The following CABLES2 variants were observed in gnomAD, a reference collection of about 807,000 sequenced individuals.
The protein encoded by CABLES2 is CDK5 and ABL1 enzyme substrate 2.
In CABLES2, 35 loss-of-function variants were observed where a neutral mutation model predicts 44.8. That is an observed-to-expected ratio of 0.78 (90% CI 0.60 to 1.04). The LOEUF is 1.04. Ranked by LOEUF, CABLES2 falls within the 50% of genes least tolerant of loss-of-function variation. The probability of loss-of-function intolerance (pLI) is 0.00; values close to 1 mark genes in which losing one functional copy is unlikely to be tolerated. For missense variants in CABLES2, 566 were observed against 615.7 expected, an observed-to-expected ratio of 0.92 and a Z score of 0.85; for synonymous variants, 282 against 281.1, an observed-to-expected ratio of 1.00 and a Z score of -0.03.
In CABLES2 at chr20:62,393,472, G is replaced by A. The variant is rs769583416; in HGVS notation, c.848C>T (p.Pro283Leu). The change falls in exon 6 of 10, where the codon CCC becomes CTC. Residue 283 changes from proline to leucine, a missense_variant. Physicochemically the swap from Pro to Leu is moderately conservative, Grantham distance 98. Coordinates refer to ENST00000279101, the MANE Select transcript of CABLES2 (RefSeq NM_031215.3). ...TLPGSRHKPA[P>L]TKSAPASTEL... is the part of the protein sequence containing the mutation. ...TGTGCTGGCTGGTGCCGACTTGGTG[G>A]GGGCAGGTTTATGTCTTGACCCTGG... is the stretch of plus-strand genomic sequence containing the variant. 177 of 1,611,790 alleles carry A rather than the reference G, an allele frequency of 1.1e-4. No homozygotes were observed. Among genetic ancestry groups the A allele is most frequent in the Non-Finnish European group, 1.4e-4 (162 of 1,178,728 alleles).
In CABLES2 at chr20:62,396,710, C is replaced by T. The variant is rs906107811; in HGVS notation, c.363-118G>A. 2.3e-5 allele frequency: 24 copies of T among 1,063,600 alleles called. No individual in the cohort carries two copies. The highest frequency in any genetic ancestry group is 3.2e-5 in the Non-Finnish European group (23 of 720,534). The allele number at this position is 1,063,600 out of a possible 1,614,324, so 65.9% of individuals were successfully genotyped here. A position where few individuals can be genotyped will look rare whatever the true frequency, so the allele number is the denominator to read the frequency against. ...GGCCACTCTCCAGCCCAGCGGCGCA[C>T]CCATGGGCCGAGGGGCTTCCAGAGC... On this transcript the variant is annotated intron_variant, in intron 1 of 9. Transcript: ENST00000279101. The surrounding 1 kb of genome is among the most constrained non-coding windows in gnomAD (Gnocchi z 5.7).
At chr20:62,392,359 C>T (rs758214012) in intron 8 of CABLES2, 30 bp downstream of exon 8, 23 of 1,524,988 alleles carry the variant, frequency 1.5e-5, no homozygotes, top group Admixed American at 1.0e-4. Flanking sequence ...CCTCCCAGGA[C>T]GATGAGATGG....
chr20:62,398,569 GC>G (rs1159503506), intron 1 of CABLES2, among the ~76,000 whole-genome samples: 1 of 152,194 alleles, frequency 6.6e-6, no homozygotes, highest in African/African-American at 2.4e-5. Context: ...CCAGGCCAGC[GC>G]CGTCCTCAGG....
At chr20:62,398,126 T>TGGTGGTGGTGGTGGTGGTG (rs1988095085) in intron 1 of CABLES2, among the ~76,000 whole-genome samples, 1 of 17,814 alleles carries the variant, frequency 5.6e-5, no homozygotes. Flanking sequence ...TGGTGGTGGT[T>TGGTGGTGGTGGTGGTGGTG]ATGACGGTGG....
intron 1 of CABLES2, among the ~76,000 whole-genome samples, chr20:62,397,983 G>GTGGTAA (rs1569017271): frequency 4.4e-5 from 3 of 68,670 alleles, no homozygotes; most frequent in African/African-American, 2.2e-4. Context: ...AGTGGTGATG[G>GTGGTAA]CGGTGGTGGT....
rs748439067 is a variant in CABLES2, at chr20:62,391,277, C to A, written c.1268G>T (p.Arg423Leu). ...LLAAKISSDLRKSGVTQLIDK... is the reference protein window; with the variant it reads ...LLAAKISSDLLKSGVTQLIDK... ...GATGAGCTGCGTCACGCCGCTCTTG[C>A]GCAGGTCACTGCTGATCTTGGCAGC... The change falls in exon 9 of 10, where the codon CGC becomes CTC. Residue 423 changes from arginine (R) to leucine (L), a missense_variant. Transcript: ENST00000279101. This position sits in a 1 kb window ranked among gnomAD's most constrained non-coding sequence, Gnocchi z 5.7. 6.2e-7 allele frequency: 1 copy of A among 1,612,284 alleles called. No homozygotes were observed. Among genetic ancestry groups the A allele is most frequent in the Non-Finnish European group, 8.5e-7 (1 of 1,179,708 alleles).
At position 62,391,754 on chromosome 20, in the gene CABLES2, G is replaced by A. The variant is rs1010250846; in HGVS notation, c.1092-301C>T. 1.3e-5 allele frequency among the ~76,000 whole-genome samples: 2 copies of A among 150,450 alleles called. No individual in the cohort carries two copies. The highest frequency in any genetic ancestry group is 4.9e-5 in the African/African-American group (2 of 40,802). ...GGACAGGCTCTGCTCTCGGTGGGGGGCAGTGGTCTCTGATGAGGGGTGGTT... is the reference window on the plus strand; with the variant it reads ...GGACAGGCTCTGCTCTCGGTGGGGGACAGTGGTCTCTGATGAGGGGTGGTT... On this transcript the variant is annotated intron_variant, in intron 8 of 9. Coordinates refer to ENST00000279101, the MANE Select transcript of CABLES2 (RefSeq NM_031215.3). The surrounding 1 kb of genome is among the most constrained non-coding windows in gnomAD (Gnocchi z 5.7).
intron 1 of CABLES2, among the ~76,000 whole-genome samples, chr20:62,401,808 C>T (rs535730989): frequency 2.6e-5 from 4 of 152,286 alleles, no homozygotes; most frequent in Middle Eastern, 3.4e-3. Flanking sequence ...GGAGTGGCTC[C>T]GTGGGGTGTG....
intron 1 of CABLES2, among the ~76,000 whole-genome samples, chr20:62,398,179 T>TGAC (rs1988104198): frequency 3.1e-5 from 3 of 95,306 alleles, no homozygotes; most frequent in Admixed American, 9.5e-5. Context: ...GTAATGGTGG[T>TGAC]GGTGGTGATG....
chr20:62,398,009 T>TG (rs1569017340), intron 1 of CABLES2, among the ~76,000 whole-genome samples: 3 of 84,026 alleles, frequency 3.6e-5, no homozygotes, highest in South Asian at 4.2e-4. Context: ...TGGTGATGGT[T>TG]ATGGCGGTGG....
intron 1 of CABLES2, chr20:62,403,509 G>T: frequency 6.5e-6 from 1 of 152,712 alleles, no homozygotes; most frequent in Non-Finnish European, 1.5e-5. Flanking sequence ...AAGGCAGGAA[G>T]GATCCTCCCT....
Position 62,391,086 on chromosome 20 carries a change from T to A in CABLES2, c.1322A>T (p.Asn441Ile). Residue 441 changes from asparagine (N) to isoleucine (I), a missense_variant, in exon 10 of 10, where the codon AAC becomes ATC. By Grantham distance (149) the Asn-to-Ile change is moderately radical (BLOSUM62 -3). This residue lies in a region of CABLES2 where 436 missense variants were observed against 536.3 expected (regional missense o/e 0.81). Coordinates refer to ENST00000279101, the MANE Select transcript of CABLES2 (RefSeq NM_031215.3). This position sits in a 1 kb window ranked among gnomAD's most constrained non-coding sequence, Gnocchi z 5.7. ...CTCAAACCCTATCAGGTCGCGCCTGTTGAATCGAAACCTTTCTTCTAACTT... is the reference window on the plus strand; with the variant it reads ...CTCAAACCCTATCAGGTCGCGCCTGATGAATCGAAACCTTTCTTCTAACTT... ...IDKLEERFRF[N>I]RRDLIGFEFT... 1 of 1,614,084 alleles carries A rather than the reference T, an allele frequency of 6.2e-7. No individual in the cohort carries two copies. The highest frequency in any genetic ancestry group is 8.5e-7 in the Non-Finnish European group (1 of 1,180,014).
At chr20:62,400,669 C>T (rs2427317) in intron 1 of CABLES2, among the ~76,000 whole-genome samples, 67,138 of 151,488 alleles carry the variant, frequency 0.44, 16,444 homozygotes, top group African/African-American at 0.65. Context: ...ATTTGGAGGC[C>T]CGTGGGGGTC....
intron 1 of CABLES2, among the ~76,000 whole-genome samples, chr20:62,398,175 G>GCGGTGGTGGTGGTGGTGATGA (rs1988103195): frequency 3.6e-5 from 2 of 55,586 alleles, no homozygotes; most frequent in Non-Finnish European, 6.2e-5. Flanking sequence ...GGTGGTAATG[G>GCGGTGGTGGTGGTGGTGATGA]TGGTGGTGGT....
Position 62,396,677 on chromosome 20 carries a change from C to G in CABLES2, c.363-85G>C. The G allele has an allele frequency of 1.5e-6, 2 of 1,372,320 alleles. No homozygotes were observed. Among genetic ancestry groups the G allele is most frequent in the Non-Finnish European group, 2.0e-6 (2 of 987,384 alleles). 85.0% of individuals were successfully genotyped at this position (1,372,320 alleles called of 1,614,324 possible). A position where few individuals can be genotyped will look rare whatever the true frequency, so the allele number is the denominator to read the frequency against. On this transcript the variant is annotated intron_variant, in intron 1 of 9. Coordinates refer to ENST00000279101, the MANE Select transcript of CABLES2 (RefSeq NM_031215.3). This position sits in a 1 kb window ranked among gnomAD's most constrained non-coding sequence, Gnocchi z 5.7. The stretch of plus-strand genomic sequence containing the variant: ...CAGAAACCGAGTGCCGCCCGCTGTG[C>G]AGGGAAGGGCCACTCTCCAGCCCAG...
At chr20:62,405,161 T>G (rs1427862508) in intron 1 of CABLES2, 7 of 152,328 alleles carry the variant, frequency 4.6e-5, no homozygotes, top group African/African-American at 1.2e-4. Context: ...ACACTCAACA[T>G]GCAGGACTGA....
chr20:62,388,994 C>T lies in CABLES2; in HGVS notation c.*1977G>A, dbSNP rs1295611211. On this transcript the variant is annotated 3_prime_UTR_variant, in exon 10 of 10. Transcript: ENST00000279101. ...TCACAAAGACCGGGTTGGTTAATGA[C>T]TAAATCTCACTACATGAATACGCAA... is the stretch of plus-strand genomic sequence containing the variant. 6.2e-6 allele frequency: 1 copy of T among 160,512 alleles called. No individual in the cohort carries two copies. The highest frequency in any genetic ancestry group is 1.4e-5 in the Non-Finnish European group (1 of 72,842). The allele number at this position is 160,512 out of a possible 1,614,324, so 9.9% of individuals were successfully genotyped here. A position where few individuals can be genotyped will look rare whatever the true frequency, so the allele number is the denominator to read the frequency against.
rs536685979 is a variant in CABLES2 at position 62,391,674 on chromosome 20, C to T, written c.1092-221G>A. ...GGCTGGGTTTTGGCTTCCCCCGTCC[C>T]GTGGGTGGGCACCCATGGCAGCTCC... On this transcript the variant is annotated intron_variant, in intron 8 of 9. Coordinates refer to ENST00000279101, the MANE Select transcript of CABLES2 (RefSeq NM_031215.3). The surrounding 1 kb of genome is among the most constrained non-coding windows in gnomAD (Gnocchi z 5.7). 7.9e-4 allele frequency among the ~76,000 whole-genome samples: 120 copies of T among 152,104 alleles called. No individual in the cohort carries two copies. The highest frequency in any genetic ancestry group is 2.6e-3 in the African/African-American group (107 of 41,494).
chr20:62,394,320 C>A, intron 4 of CABLES2, 55 bp from the exon 5 acceptor site: 1 of 1,439,628 alleles, frequency 6.9e-7, no homozygotes, highest in Non-Finnish European at 9.7e-7. Flanking sequence ...CAGGCTCTGG[C>A]AGCCCAGCCC....
Sources: allele counts gnomAD v4.1 joint callset (sites outside exome capture counted in the v4.1 genomes callset), GRCh38; gene constraint gnomAD v4.1.1; regional missense constraint gnomAD v4.1.1; non-coding constraint Gnocchi (gnomAD v3.1); transcripts MANE v1.5; gene names NCBI Gene and HGNC (gene_info 2026-07-23, HGNC 2026-07-21).